The following MAP4K4 variants were observed in gnomAD, a reference collection of about 807,000 sequenced individuals.
The protein encoded by MAP4K4 is HPK/GCK-like kinase HGK.
Under a neutral mutation model 189.6 loss-of-function variants are expected in MAP4K4, and 38 were observed. The observed-to-expected ratio is 0.20, with a 90% confidence interval of 0.15 to 0.26. MAP4K4 has a LOEUF of 0.26. Among genes scored for constraint, MAP4K4 ranks in the 10% least tolerant of loss-of-function variants. The pLI is 1.00. For missense variants in MAP4K4, 1,054 were observed against 1,726.9 expected (o/e 0.61, Z 6.91); for synonymous variants, 610 against 624.3 (o/e 0.98, Z 0.34).
chr2:101,833,130 G>T (rs865966052), intron 7 of MAP4K4, among the ~76,000 whole-genome samples: 1 of 152,110 alleles, frequency 6.6e-6, no homozygotes, highest in Non-Finnish European at 1.5e-5. Context: ...AATAAGGGAG[G>T]AATGATAGGT....
exon 19 of MAP4K4, chr2:101,866,503 G>T (rs370124477): frequency 1.7e-5 from 28 of 1,613,402 alleles, no homozygotes; most frequent in East Asian, 8.9e-5. Flanking sequence ...GCTCCTCAGG[G>T]TCCAGCAACT....
intron 2 of MAP4K4, among the ~76,000 whole-genome samples, chr2:101,773,739 A>G (rs180964956): frequency 8.4e-4 from 128 of 152,092 alleles, no homozygotes; most frequent in Non-Finnish European, 1.4e-3. Flanking sequence ...CCCCAACCAC[A>G]CTTACCTTCC....
At chr2:101,867,401 C>A in intron 20 of MAP4K4, 92 bp downstream of exon 20, 1 of 872,736 alleles carries the variant, frequency 1.1e-6, no homozygotes, top group Non-Finnish European at 1.8e-6. Flanking sequence ...GCAGTCTTTT[C>A]TGCGAGGGCC....
chr2:101,784,534 A>C (rs2089654321), intron 2 of MAP4K4, among the ~76,000 whole-genome samples: 1 of 152,108 alleles, frequency 6.6e-6, no homozygotes, highest in African/African-American at 2.4e-5. Context: ...GGAAGCATTA[A>C]TTTATGATGA....
At chr2:101,732,838 C>T (rs1011641842) in intron 2 of MAP4K4, among the ~76,000 whole-genome samples, 8 of 152,210 alleles carry the variant, frequency 5.3e-5, no homozygotes, top group Non-Finnish European at 8.8e-5. Flanking sequence ...CCGCCTGCCT[C>T]GGCCTCCCGA....
At chr2:101,798,174 AAGTGCTGGGATTTACAG>A (rs2093995027) in intron 3 of MAP4K4, among the ~76,000 whole-genome samples, 1 of 151,496 alleles carries the variant, frequency 6.6e-6, no homozygotes, top group Non-Finnish European at 1.5e-5. Context: ...CAGCCTCCCA[AAGTGCTGGGATTTACAG>A]GTATGAGCCA....
chr2:101,777,221 A>G (rs2084678586), intron 2 of MAP4K4, among the ~76,000 whole-genome samples: 1 of 152,214 alleles, frequency 6.6e-6, no homozygotes, highest in Non-Finnish European at 1.5e-5. Flanking sequence ...TAATCCAAGC[A>G]TGAGCTTTGT....
chr2:101,837,647 A>G (rs990848103), intron 9 of MAP4K4, among the ~76,000 whole-genome samples: 1 of 152,136 alleles, frequency 6.6e-6, no homozygotes, highest in African/African-American at 2.4e-5. Flanking sequence ...GTGGAGCTGG[A>G]GTAACTCTAC....
intron 2 of MAP4K4, among the ~76,000 whole-genome samples, chr2:101,708,048 A>T (rs1399926292): frequency 1.3e-5 from 2 of 151,982 alleles, no homozygotes; most frequent in African/African-American, 4.8e-5. Context: ...GTATTTGACC[A>T]TCTTGCCCAG....
intron 2 of MAP4K4, among the ~76,000 whole-genome samples, chr2:101,724,320 T>C (rs892740372): frequency 1.3e-5 from 2 of 152,126 alleles, no homozygotes; most frequent in Non-Finnish European, 2.9e-5. Context: ...CAGGAGGAAT[T>C]TCCCTCAGTA....
At position 101,826,363 on chromosome 2, in the gene MAP4K4, T is replaced by A. The variant is rs567179098; in HGVS notation, c.417+934T>A. ...CCTAGAGAAATGTTTAATTTTTTTT[T>A]ATTTAGATATTTATGTAGTCTTTGA... is the stretch of plus-strand genomic sequence containing the variant. On this transcript the variant is annotated intron_variant, in intron 5 of 32. Coordinates refer to ENST00000324219, the Ensembl canonical transcript of MAP4K4. 1.5e-3 allele frequency among the ~76,000 whole-genome samples: 223 copies of A among 151,672 alleles called. 1 individual carries two copies. Among genetic ancestry groups the A allele is most frequent in the African/African-American group, 5.0e-3 (207 of 41,504 alleles).
chr2:101,850,356 A>G (rs932553107), intron 12 of MAP4K4, among the ~76,000 whole-genome samples: 1 of 152,214 alleles, frequency 6.6e-6, no homozygotes, highest in African/African-American at 2.4e-5. Context: ...GGAAAACATA[A>G]AAGTTTCTCA....
chr2:101,841,630 G>A (rs750720854), intron 10 of MAP4K4, among the ~76,000 whole-genome samples: 4 of 151,904 alleles, frequency 2.6e-5, no homozygotes, highest in Non-Finnish European at 5.9e-5. Context: ...CACCACACCC[G>A]GCTGGTTTTT....
At chr2:101,776,637 C>T (rs2084336699) in intron 2 of MAP4K4, among the ~76,000 whole-genome samples, 1 of 117,242 alleles carries the variant, frequency 8.5e-6, no homozygotes, top group South Asian at 2.8e-4. Context: ...CAATGAATTA[C>T]TAGGGAGGAT....
At chr2:101,749,347 A>G (rs2067345554) in intron 2 of MAP4K4, among the ~76,000 whole-genome samples, 1 of 151,690 alleles carries the variant, frequency 6.6e-6, no homozygotes, top group Admixed American at 6.6e-5. Context: ...GCCCTCAGAA[A>G]TAACGCTGCA....
intron 18 of MAP4K4, among the ~76,000 whole-genome samples, chr2:101,865,711 A>G (rs1490532790): frequency 6.6e-6 from 1 of 152,236 alleles, no homozygotes; most frequent in East Asian, 1.9e-4. Context: ...ATAGGGAAGA[A>G]AAGATGATTA....
chr2:101,766,214 G>T (rs1203262330), intron 2 of MAP4K4, among the ~76,000 whole-genome samples: 1 of 152,114 alleles, frequency 6.6e-6, no homozygotes, highest in African/African-American at 2.4e-5. Flanking sequence ...TAGATCTTAT[G>T]AATTTCTGAA....
intron 2 of MAP4K4, among the ~76,000 whole-genome samples, chr2:101,717,725 A>G (rs1224038336): frequency 1.8e-4 from 28 of 152,154 alleles, no homozygotes; most frequent in Admixed American, 1.8e-3. Context: ...TTAGAAATGA[A>G]TCAGGATGTG....
In MAP4K4 at chr2:101,793,671, A is replaced by T. The variant is rs1575648312; in HGVS notation, c.180+2895A>T. Among the ~76,000 whole-genome samples the T allele has an allele frequency of 2.0e-5, 3 of 148,438 alleles. No homozygotes were observed. In the South Asian group the frequency reaches 6.4e-4, roughly 32 times the overall value. ...AATCACAGATTGGTTCTGACTCTTT[A>T]GGTGAAAGTGAGAGGCAGTTACCAG... On this transcript the variant is annotated intron_variant, in intron 3 of 32. Transcript: ENST00000324219.
Sources: allele counts gnomAD v4.1 joint callset (sites outside exome capture counted in the v4.1 genomes callset), GRCh38; gene constraint gnomAD v4.1.1; transcripts MANE v1.5; gene names NCBI Gene and HGNC (gene_info 2026-07-23, HGNC 2026-07-21).